Variants in ARFGEF1 observed in about 807,000 individuals in gnomAD.
ARFGEF1 encodes ARF guanine nucleotide exchange factor 1.
ARFGEF1 carries 42 observed loss-of-function variants against 231.0 expected under a neutral mutation model. That is an observed-to-expected ratio of 0.18 (90% CI 0.14 to 0.24). The LOEUF (loss-of-function observed/expected upper bound fraction) is 0.24, where lower values mean the gene tolerates loss of function less well. ARFGEF1 is among the 10% of genes least tolerant of loss of function. The probability of loss-of-function intolerance (pLI) is 1.00; values close to 1 mark genes in which losing one functional copy is unlikely to be tolerated. For missense variants in ARFGEF1, 1,345 were observed against 2,192.0 expected (o/e 0.61, Z 7.72); for synonymous variants, 710 against 732.3 (o/e 0.97, Z 0.49).
chr8:67,203,344 G>C (rs1838399486), intron 35 of ARFGEF1, 93 bp from the exon 36 acceptor site: 1 of 1,384,754 alleles, frequency 7.2e-7, no homozygotes, highest in African/African-American at 1.4e-5. Flanking sequence ...AGTTTTACAA[G>C]AAAGCCACAG....
At chr8:67,188,770 C>T (rs1402795752) in intron 5 of ARFGEF1, among the ~76,000 whole-genome samples, 1 of 152,188 alleles carries the variant, frequency 6.6e-6, no homozygotes, top group Non-Finnish European at 1.5e-5. Flanking sequence ...CTGCTGCTCC[C>T]AATCAGGCTA....
chr8:67,193,970 T>C (rs1040604397), downstream of ARFGEF1, among the ~76,000 whole-genome samples: 4 of 152,266 alleles, frequency 2.6e-5, no homozygotes, highest in Non-Finnish European at 5.9e-5. Flanking sequence ...TTAACACTTA[T>C]GCTGTATATT....
At chr8:67,210,207 G>A (rs944919040) in intron 34 of ARFGEF1, among the ~76,000 whole-genome samples, 17 of 148,772 alleles carry the variant, frequency 1.1e-4, no homozygotes, top group South Asian at 2.1e-4. Context: ...GACAGACGTC[G>A]TGGCACAAGC....
intron 20 of ARFGEF1, 55 bp from the exon 21 acceptor site, chr8:67,238,948 A>G (rs897789582): frequency 7.4e-7 from 1 of 1,346,144 alleles, no homozygotes; most frequent in Non-Finnish European, 1.0e-6. Context: ...AGACTGATTA[A>G]TTCCCCACCA....
At position 67,311,713 on chromosome 8, in the gene ARFGEF1, G is replaced by A. The variant is rs578127737; in HGVS notation, c.125-9247C>T. ...TGGGAAGTGAAGAGCCCTTCTGCCC[G>A]GCCACCACCCTGTCTGGGAGGTGTG... On this transcript the variant is annotated intron_variant, in intron 1 of 38. Coordinates refer to ENST00000262215, the MANE Select transcript of ARFGEF1 (RefSeq NM_006421.5). Among the ~76,000 whole-genome samples, 6 of 152,270 alleles carry A rather than the reference G, an allele frequency of 3.9e-5. No homozygotes were observed. The South Asian group carries it at 8.3e-4, about 21-fold the overall frequency.
intron 1 of ARFGEF1, among the ~76,000 whole-genome samples, chr8:67,330,209 TAAAAGA>T (rs966093079): frequency 6.6e-6 from 1 of 152,056 alleles, no homozygotes; most frequent in African/African-American, 2.4e-5. Context: ...TTTTGAAATG[TAAAAGA>T]AAATTAAGAA....
At chr8:67,341,425 CAAAAAAAAAA>C (rs1186065653) in intron 1 of ARFGEF1, among the ~76,000 whole-genome samples, 4 of 87,910 alleles carry the variant, frequency 4.6e-5, no homozygotes, top group East Asian at 3.1e-4. Flanking sequence ...CCATCTCCAC[CAAAAAAAAAA>C]AAAAAAAAAA....
chr8:67,191,108 G>A (rs909701844), intron 5 of ARFGEF1, among the ~76,000 whole-genome samples: 4 of 152,118 alleles, frequency 2.6e-5, no homozygotes, highest in African/African-American at 9.7e-5. Context: ...CTGTGATATA[G>A]GCATCACCTT....
At chr8:67,201,362 C>G (rs1224386302) in intron 37 of ARFGEF1, 105 bp downstream of exon 37, 1 of 1,385,542 alleles carries the variant, frequency 7.2e-7, no homozygotes, top group African/African-American at 1.5e-5. Flanking sequence ...TAGGGGCATC[C>G]AGGCCCCAAA....
chr8:67,225,318 G>C (rs1021989680), intron 28 of ARFGEF1, among the ~76,000 whole-genome samples: 8 of 152,092 alleles, frequency 5.3e-5, no homozygotes, highest in African/African-American at 1.9e-4. Context: ...GGTTAATTCA[G>C]GTTTCCATTT....
chr8:67,219,587 GCTGT>G, intron 29 of ARFGEF1, 27 bp from the exon 30 acceptor site: 1 of 1,558,602 alleles, frequency 6.4e-7, no homozygotes, highest in African/African-American at 1.4e-5. Flanking sequence ...CAATTAGAAA[GCTGT>G]AATACAAAAA....
At chr8:67,231,006 T>C (rs1003778244) in intron 23 of ARFGEF1, among the ~76,000 whole-genome samples, 1 of 152,100 alleles carries the variant, frequency 6.6e-6, no homozygotes, top group Non-Finnish European at 1.5e-5. Context: ...CAAAAATTTT[T>C]TTCTTTAGTT....
chr8:67,315,755 G>A (rs1319437969), intron 1 of ARFGEF1, among the ~76,000 whole-genome samples: 1 of 151,876 alleles, frequency 6.6e-6, no homozygotes, highest in Admixed American at 6.6e-5. Flanking sequence ...AGTCTTAAGG[G>A]AAATTTTTAA....
chr8:67,332,746 G>C (rs78726478), intron 1 of ARFGEF1, among the ~76,000 whole-genome samples: 264 of 152,188 alleles, frequency 1.7e-3, no homozygotes, highest in Admixed American at 2.4e-3. Flanking sequence ...GTAGTACTGT[G>C]ATTAAAGGTG....
chr8:67,288,444 G>GT (rs1191146588), intron 6 of ARFGEF1, among the ~76,000 whole-genome samples: 1 of 152,202 alleles, frequency 6.6e-6, no homozygotes, highest in Non-Finnish European at 1.5e-5. Flanking sequence ...TATACTGAAT[G>GT]TAAGTAGGCT....
At chr8:67,309,013 A>C (rs1441331661) in intron 1 of ARFGEF1, among the ~76,000 whole-genome samples, 3 of 152,230 alleles carry the variant, frequency 2.0e-5, no homozygotes, top group Non-Finnish European at 4.4e-5. Context: ...GTCCATCATC[A>C]GATGAATGGA....
intron 1 of ARFGEF1, among the ~76,000 whole-genome samples, chr8:67,337,047 T>A (rs1031938754): frequency 7.3e-6 from 1 of 137,928 alleles, no homozygotes; most frequent in African/African-American, 2.8e-5. Context: ...GAGAATGGCG[T>A]GAACTCGGGA....
intron 1 of ARFGEF1, among the ~76,000 whole-genome samples, chr8:67,309,138 G>T (rs1478296303): frequency 6.6e-6 from 1 of 152,132 alleles, no homozygotes; most frequent in African/African-American, 2.4e-5. Context: ...AAAAATGGAA[G>T]ATACTACGCT....
chr8:67,175,420 G>T (rs1454013848), downstream of ARFGEF1: 1 of 1,614,038 alleles, frequency 6.2e-7, no homozygotes, highest in Non-Finnish European at 8.5e-7. Context: ...GAATAAAAAT[G>T]CAGGAAGGTG....
Sources: gnomAD v4.1 joint callset for allele counts (sites outside exome capture counted in the v4.1 genomes callset) on GRCh38, gnomAD v4.1.1 for gene constraint, MANE v1.5 for transcripts, NCBI Gene and HGNC (gene_info 2026-07-23, HGNC 2026-07-21) for gene names.